ASIC2: variants seen among roughly 807,000 people sequenced by gnomAD.
The protein encoded by ASIC2 is acid-sensing ion channel 2.
A neutral mutation model predicts 57.3 loss-of-function variants in ASIC2; 25 were observed. That is an observed-to-expected ratio of 0.44 (90% confidence interval 0.32 to 0.61). ASIC2 has a LOEUF of 0.61. Ranked by LOEUF, ASIC2 falls within the 20% of genes least tolerant of loss-of-function variation. ASIC2 has a pLI of 0.06. For synonymous variants in ASIC2, 319 were observed against 307.5 expected, an observed-to-expected ratio of 1.04 and a Z score of -0.39; for missense variants, 641 against 738.1, an observed-to-expected ratio of 0.87 and a Z score of 1.52.
chr17:34,099,665 AAAGAAAGAAAGAAAGAAAAGAAAGAG>A (rs1490712097), intron 1 of ASIC2, among the ~76,000 whole-genome samples: 1 of 141,092 alleles, frequency 7.1e-6, no homozygotes, highest in Non-Finnish European at 1.5e-5. Context: ...GGAAGGAAGG[AAAGAAAGAAAGAAAGAAAAGAAAGAG>A]AAGAAAGAAA....
intron 1 of ASIC2, among the ~76,000 whole-genome samples, chr17:33,390,642 G>A (rs569756295): frequency 2.0e-5 from 3 of 152,240 alleles, no homozygotes; most frequent in African/African-American, 7.2e-5. Flanking sequence ...AGTTTCTTGA[G>A]GACTGTTGAA....
At chr17:33,536,865 A>C (rs912827378) in intron 1 of ASIC2, among the ~76,000 whole-genome samples, 2 of 152,070 alleles carry the variant, frequency 1.3e-5, no homozygotes, top group Non-Finnish European at 1.5e-5. Flanking sequence ...CAGGTGTGGT[A>C]GCACTCACCT....
intron 1 of ASIC2, among the ~76,000 whole-genome samples, chr17:33,877,196 G>A (rs1386910877): frequency 1.3e-5 from 2 of 152,198 alleles, no homozygotes; most frequent in Non-Finnish European, 2.9e-5. Context: ...CGTGAGCAAC[G>A]CAGAAGATGG....
intron 1 of ASIC2, among the ~76,000 whole-genome samples, chr17:34,125,083 C>G (rs562310208): frequency 6.6e-6 from 1 of 151,880 alleles, no homozygotes; most frequent in African/African-American, 2.4e-5. Flanking sequence ...GAGACACCTC[C>G]TCCACAAAGC....
chr17:33,318,968 G>T (rs1906762117), intron 1 of ASIC2, among the ~76,000 whole-genome samples: 1 of 152,306 alleles, frequency 6.6e-6, no homozygotes, highest in East Asian at 1.9e-4. Context: ...CTGTGGGAAG[G>T]ACTAAAATGG....
At chr17:33,351,479 C>G (rs111529931) in intron 1 of ASIC2, among the ~76,000 whole-genome samples, 36 of 152,300 alleles carry the variant, frequency 2.4e-4, no homozygotes, top group African/African-American at 8.7e-4. Context: ...CCCATCTTCT[C>G]TCATCAGATG....
At chr17:33,256,962 T>C (rs1451843268) in intron 1 of ASIC2, among the ~76,000 whole-genome samples, 2 of 151,902 alleles carry the variant, frequency 1.3e-5, no homozygotes, top group Non-Finnish European at 2.9e-5. Flanking sequence ...TCCTGAGGAG[T>C]CATCTCCCTA....
chr17:33,271,449 C>A (rs917824593), intron 1 of ASIC2, among the ~76,000 whole-genome samples: 1 of 152,132 alleles, frequency 6.6e-6, no homozygotes, highest in Non-Finnish European at 1.5e-5. Flanking sequence ...TCTCAACAGA[C>A]CCCAAACATT....
intron 1 of ASIC2, among the ~76,000 whole-genome samples, chr17:33,744,338 G>A (rs933655258): frequency 1.3e-5 from 2 of 152,164 alleles, no homozygotes; most frequent in Non-Finnish European, 2.9e-5. Flanking sequence ...CAAGCATCTA[G>A]TAATTAGTGG....
At chr17:33,450,389 C>A (rs1168377083) in intron 1 of ASIC2, among the ~76,000 whole-genome samples, 3 of 152,184 alleles carry the variant, frequency 2.0e-5, no homozygotes, top group Non-Finnish European at 2.9e-5. Context: ...GCCTGACTTG[C>A]CTGAGCCTGT....
chr17:33,311,153 A>G (rs1906400474), intron 1 of ASIC2, among the ~76,000 whole-genome samples: 1 of 152,192 alleles, frequency 6.6e-6, no homozygotes, highest in Non-Finnish European at 1.5e-5. Flanking sequence ...GCTGTGTGCA[A>G]GGTGCCACCC....
At chr17:33,592,114 G>T (rs146874491) in intron 1 of ASIC2, among the ~76,000 whole-genome samples, 1 of 152,166 alleles carries the variant, frequency 6.6e-6, no homozygotes, top group African/African-American at 2.4e-5. Flanking sequence ...ACTGTGGTGC[G>T]CACTGAGGAC....
chr17:33,403,032 A>G (rs1191724657), intron 1 of ASIC2, among the ~76,000 whole-genome samples: 1 of 152,172 alleles, frequency 6.6e-6, no homozygotes, highest in Non-Finnish European at 1.5e-5. Flanking sequence ...GTGACTTTGT[A>G]TGGTCAAAAT....
rs116348871 is a variant in ASIC2, at chr17:33,525,697, G to C, written c.556-413630C>G. Reference sequence around the variant, plus strand: ...CTCCCACAATAGCAGAAGGTCAAGTGTCTGTAACAAATCCCTTATTATTTA... The same window carrying C: ...CTCCCACAATAGCAGAAGGTCAAGTCTCTGTAACAAATCCCTTATTATTTA... On this transcript the variant is annotated intron_variant, in intron 1 of 9. Coordinates refer to the ASIC2 transcript ENST00000359872. Among the ~76,000 whole-genome samples the C allele has an allele frequency of 4.0e-3, 603 of 152,332 alleles. 4 individuals carry two copies. Among genetic ancestry groups the C allele is most frequent in the African/African-American group, 0.014 (582 of 41,580 alleles).
intron 1 of ASIC2, among the ~76,000 whole-genome samples, chr17:33,387,135 GC>G (rs375773998): frequency 2.0e-5 from 3 of 152,252 alleles, no homozygotes; most frequent in African/African-American, 7.2e-5. Context: ...TGATCCATCT[GC>G]CTCAGCCTCC....
chr17:33,415,367 G>A (rs1910806835), intron 1 of ASIC2, among the ~76,000 whole-genome samples: 1 of 152,094 alleles, frequency 6.6e-6, no homozygotes, highest in Non-Finnish European at 1.5e-5. Flanking sequence ...CTAATACAAT[G>A]GAAATGCTAT....
rs547290704 is a variant in ASIC2 at position 34,131,081 on chromosome 17, G to A, written c.555+24897C>T. On this transcript the variant is annotated intron_variant, in intron 1 of 9. Coordinates refer to the ASIC2 transcript ENST00000359872. The stretch of plus-strand genomic sequence containing the variant: ...GGAGGAATTCTGAGAATGAATAGTA[G>A]GAACAAAGCTGAGGGGCCAGTGGGG... Among the ~76,000 whole-genome samples, 15 of 152,008 alleles carry A rather than the reference G, an allele frequency of 9.9e-5. No homozygotes were observed. The East Asian group carries it at 2.9e-3, about 29-fold the overall frequency.
chr17:34,074,440 A>G (rs1909545663), intron 1 of ASIC2, among the ~76,000 whole-genome samples: 1 of 152,164 alleles, frequency 6.6e-6, no homozygotes, highest in African/African-American at 2.4e-5. Flanking sequence ...ATTATTGACC[A>G]TTCTGCTCTA....
intron 1 of ASIC2, among the ~76,000 whole-genome samples, chr17:33,704,496 G>A (rs1908804042): frequency 6.6e-6 from 1 of 152,180 alleles, no homozygotes; most frequent in South Asian, 2.1e-4. Flanking sequence ...CTCTCAAGGT[G>A]TACTGTCTAG....
Sources: allele counts gnomAD v4.1 joint callset (sites outside exome capture counted in the v4.1 genomes callset), GRCh38; gene constraint gnomAD v4.1.1; transcripts MANE v1.5; gene names NCBI Gene and HGNC (gene_info 2026-07-23, HGNC 2026-07-21).